ZC3H11A: variants seen among roughly 807,000 people sequenced by gnomAD.
ZC3H11A encodes the protein zinc finger CCCH domain-containing protein 11A.
ZC3H11A carries 22 observed loss-of-function variants against 90.8 expected under a neutral mutation model. The ratio of observed to expected loss-of-function variants is 0.24; its 90% CI spans 0.17 to 0.35. The LOEUF (loss-of-function observed/expected upper bound fraction) is 0.35, where lower values mean the gene tolerates loss of function less well. Among genes scored for constraint, ZC3H11A ranks in the 10% least tolerant of loss-of-function variants. ZC3H11A has a pLI of 1.00. For missense variants in ZC3H11A, 701 were observed against 964.9 expected, an observed-to-expected ratio of 0.73 and a Z score of 3.62; for synonymous variants, 294 against 339.8, an observed-to-expected ratio of 0.87 and a Z score of 1.48.
rs1316440046 is a variant in ZC3H11A at position 203,831,731 on chromosome 1, C to T, written c.771C>T (p.Val257=). Residue 257 remains valine, a synonymous_variant, in exon 9 of 18, where the codon GTC becomes GTT. Transcript: ENST00000367210. The part of the protein sequence containing the change: ...EPVPGPEKEN[V]RTVVRTVTLS... ...TTCCAGGTCCTGAAAAAGAAAATGT[C>T]AGGACTGTGGTGAGGACAGTAACTC... The T allele has an allele frequency of 2.5e-6, 4 of 1,612,956 alleles. No individual in the cohort carries two copies. In the Admixed American group the frequency reaches 5.0e-5, roughly 20 times the overall value.
At chr1:203,796,496 G>A in intron 1 of ZC3H11A, 1 of 398,966 alleles carries the variant, frequency 2.5e-6, no homozygotes, top group Non-Finnish European at 4.4e-6. Context: ...TCCCATAATC[G>A]GTGCGGATTC....
intron 4 of ZC3H11A, among the ~76,000 whole-genome samples, chr1:203,823,558 C>G (rs1379837830): frequency 6.6e-6 from 1 of 152,228 alleles, no homozygotes; most frequent in Non-Finnish European, 1.5e-5. Context: ...TCCCCACTTA[C>G]CAATTAACTT....
rs1362321213 is a variant in ZC3H11A at position 203,852,858 on chromosome 1, A to C, written c.*459A>C. 1 of 177,848 alleles carries C rather than the reference A, an allele frequency of 5.6e-6. No homozygotes were observed. Among genetic ancestry groups the C allele is most frequent in the Non-Finnish European group, 1.2e-5 (1 of 83,010 alleles). The allele number at this position is 177,848 out of a possible 1,614,324, so 11.0% of individuals were successfully genotyped here. ...CCAAATTTTATGCTACCACTAAACA[A>C]AAATACCCACTCAGTCTGTGTTAAA... is the stretch of plus-strand genomic sequence containing the variant. On this transcript the variant is annotated 3_prime_UTR_variant, in exon 18 of 18. Transcript: ENST00000367210.
At chr1:203,804,213 G>A (rs749275842) in intron 2 of ZC3H11A, among the ~76,000 whole-genome samples, 109 of 148,612 alleles carry the variant, frequency 7.3e-4, no homozygotes, top group Non-Finnish European at 1.3e-3. Flanking sequence ...GTGCAGTGGC[G>A]TGATCTCGAT....
chr1:203,838,018 G>C lies in ZC3H11A; in HGVS notation c.927G>C (p.Lys309Asn), dbSNP rs757312415. ...LKRSLAQRLG[K>N]KVEAPETNID... ...GTAGCCTGGCACAGAGGCTAGGGAA[G>C]AAAGTTGAAGCTCCAGAAACTAACA... is the stretch of plus-strand genomic sequence containing the variant. The change falls in exon 11 of 18, where the codon AAG (lysine) becomes AAC (asparagine). Residue 309 changes from lysine to asparagine, a missense_variant. Lys to Asn is a moderately conservative substitution (Grantham distance 94). Around this residue, in one of 4 missense-constraint regions of ZC3H11A, gnomAD observed 530 missense variants for 696.2 expected, o/e 0.76. Transcript: ENST00000367210. 1.1e-5 allele frequency: 17 copies of C among 1,614,098 alleles called. No homozygotes were observed. The highest frequency in any genetic ancestry group is 1.4e-5 in the Non-Finnish European group (16 of 1,180,030).
chr1:203,800,124 G>A lies in ZC3H11A; in HGVS notation c.-1587-1451G>A, dbSNP rs913167626. On this transcript the variant is annotated intron_variant, in intron 1 of 17. Coordinates refer to ENST00000367210, the MANE Select transcript of ZC3H11A (RefSeq NM_001376342.1). ...GTTCCCTTCTGCTGTAGCAGTTGTG[G>A]ATGAGTACTTCAAAGAGAAGTATTC... 42 of 1,536,020 alleles carry A rather than the reference G, an allele frequency of 2.7e-5. No individual in the cohort carries two copies. Among genetic ancestry groups the A allele is most frequent in the Admixed American group, 2.2e-4 (11 of 50,980 alleles).
At chr1:203,833,247 A>G (rs1558127807) in intron 9 of ZC3H11A, among the ~76,000 whole-genome samples, 2 of 152,000 alleles carry the variant, frequency 1.3e-5, no homozygotes, top group Admixed American at 6.6e-5. Context: ...GCACGCCTGT[A>G]ATCCCAGCTA....
chr1:203,797,444 A>G (rs903333751), intron 1 of ZC3H11A: 72 of 1,316,528 alleles, frequency 5.5e-5, no homozygotes, highest in Non-Finnish European at 7.1e-5. Context: ...TAATGCAAGT[A>G]GAGAGGAACA....
At chr1:203,838,170 A>G (rs1684963297) in intron 11 of ZC3H11A, 106 bp downstream of exon 11, 7 of 1,024,654 alleles carry the variant, frequency 6.8e-6, no homozygotes, top group Non-Finnish European at 1.0e-5. Context: ...TAAATAGGTT[A>G]TCTTGTATTT....
At chr1:203,840,478 G>A (rs1685754471) in intron 12 of ZC3H11A, 104 bp downstream of exon 12, 2 of 1,181,124 alleles carry the variant, frequency 1.7e-6, no homozygotes, top group Non-Finnish European at 2.4e-6. Flanking sequence ...TTTGATTTTT[G>A]TTCTTTTGTA....
chr1:203,796,223 G>C (rs1046892585), intron 1 of ZC3H11A: 2 of 392,112 alleles, frequency 5.1e-6, no homozygotes, highest in African/African-American at 2.1e-5. Context: ...TAGTTGAGCG[G>C]ACCCTCACTG....
intron 5 of ZC3H11A, among the ~76,000 whole-genome samples, 197 bp downstream of exon 5, chr1:203,828,619 A>G (rs762064412): frequency 6.6e-6 from 1 of 152,208 alleles, no homozygotes; most frequent in South Asian, 2.1e-4. Flanking sequence ...ATATCTTGGC[A>G]TGCCATTTAA....
chr1:203,835,932 GT>G (rs1362925800), intron 10 of ZC3H11A: 3 of 194,590 alleles, frequency 1.5e-5, no homozygotes, highest in African/African-American at 7.1e-5. Context: ...AAGAAGTCCT[GT>G]TCCCAGGAGG....
intron 12 of ZC3H11A, among the ~76,000 whole-genome samples, chr1:203,846,978 C>A (rs1334260818): frequency 6.6e-6 from 1 of 151,108 alleles, no homozygotes; most frequent in Non-Finnish European, 1.5e-5. Flanking sequence ...GCACTCCAGC[C>A]TGGGTAACAG....
intron 2 of ZC3H11A, among the ~76,000 whole-genome samples, chr1:203,803,909 A>T (rs1671302657): frequency 6.6e-6 from 1 of 152,018 alleles, no homozygotes; most frequent in African/African-American, 2.4e-5. Context: ...CTGGCCTCCC[A>T]TTCCTTTTTA....
chr1:203,824,551 T>G (rs1328081636), intron 4 of ZC3H11A, among the ~76,000 whole-genome samples: 2 of 152,138 alleles, frequency 1.3e-5, no homozygotes, highest in Non-Finnish European at 2.9e-5. Context: ...CAGCAAAAAA[T>G]TTGAGTCATC....
intron 10 of ZC3H11A, 82 bp from the exon 11 acceptor site, chr1:203,837,884 T>C: frequency 1.5e-6 from 2 of 1,294,398 alleles, no homozygotes; most frequent in East Asian, 2.3e-5. Flanking sequence ...AGAATTATGC[T>C]ATGTTGTCTG....
chr1:203,824,234 C>T (rs1679733837), intron 4 of ZC3H11A, among the ~76,000 whole-genome samples: 1 of 148,660 alleles, frequency 6.7e-6, no homozygotes, highest in South Asian at 2.1e-4. Flanking sequence ...CACCACTGTA[C>T]TCCAGCCTGG....
At chr1:203,829,936 G>A (rs1457029479) in intron 7 of ZC3H11A, 40 bp downstream of exon 7, 1 of 1,559,132 alleles carries the variant, frequency 6.4e-7, no homozygotes, top group Non-Finnish European at 8.8e-7. Flanking sequence ...TAGCACTGTT[G>A]AAACTACCTT....
Sources: gnomAD v4.1 joint callset for allele counts (sites outside exome capture counted in the v4.1 genomes callset) on GRCh38, gnomAD v4.1.1 for gene constraint, gnomAD v4.1.1 regional missense constraint, MANE v1.5 for transcripts, NCBI Gene and HGNC (gene_info 2026-07-23, HGNC 2026-07-21) for gene names.